Variants in STK32B observed in about 807,000 individuals in gnomAD.
STK32B encodes serine/threonine-protein kinase 32B.
STK32B carries 43 observed loss-of-function variants against 52.6 expected under a neutral mutation model. The observed-to-expected ratio is 0.82, with a 90% CI of 0.64 to 1.05. The LOEUF is 1.05. Among genes scored for constraint, STK32B ranks in the 50% least tolerant of loss-of-function variants. The probability of loss-of-function intolerance (pLI) is 0.00; values close to 1 mark genes in which losing one functional copy is unlikely to be tolerated. For synonymous variants in STK32B, 238 were observed against 204.3 expected, an observed-to-expected ratio of 1.17 and a Z score of -1.41; for missense variants, 621 against 534.6, an observed-to-expected ratio of 1.16 and a Z score of -1.59.
chr4:5,307,430 C>A (rs1009807097), intron 3 of STK32B, among the ~76,000 whole-genome samples: 1 of 151,990 alleles, frequency 6.6e-6, no homozygotes, highest in Non-Finnish European at 1.5e-5. Flanking sequence ...AGTTCTATTT[C>A]TGAGACTTTC....
At chr4:5,405,477 T>C (rs1205432576) in intron 5 of STK32B, among the ~76,000 whole-genome samples, 3 of 152,078 alleles carry the variant, frequency 2.0e-5, no homozygotes, top group Non-Finnish European at 4.4e-5. Flanking sequence ...AAGGTGATGG[T>C]GTTAGGAGGT....
At chr4:5,087,702 A>G (rs1712813105) in intron 1 of STK32B, among the ~76,000 whole-genome samples, 1 of 152,056 alleles carries the variant, frequency 6.6e-6, no homozygotes, top group Admixed American at 6.5e-5. Context: ...AGAGTAAATA[A>G]GGATATTATA....
At chr4:5,291,307 T>A (rs1728878807) in intron 3 of STK32B, among the ~76,000 whole-genome samples, 1 of 152,162 alleles carries the variant, frequency 6.6e-6, no homozygotes, top group Admixed American at 6.5e-5. Context: ...ATATTTTCAT[T>A]TATGTATATC....
chr4:5,132,260 G>T (rs1715825306), intron 1 of STK32B, among the ~76,000 whole-genome samples: 1 of 152,144 alleles, frequency 6.6e-6, no homozygotes, highest in African/African-American at 2.4e-5. Context: ...TTTATAGTAT[G>T]ATTTATATTT....
chr4:5,490,389 G>C (rs1380220190), intron 11 of STK32B, among the ~76,000 whole-genome samples: 2 of 152,040 alleles, frequency 1.3e-5, no homozygotes, highest in Non-Finnish European at 2.9e-5. Flanking sequence ...TTACAGGTTT[G>C]AGCCACCACG....
At chr4:5,412,071 T>C (rs566240855) in intron 5 of STK32B, among the ~76,000 whole-genome samples, 1 of 152,294 alleles carries the variant, frequency 6.6e-6, no homozygotes, top group African/African-American at 2.4e-5. Flanking sequence ...GGAAATGAGA[T>C]GAATTTCCAT....
At position 5,058,407 on chromosome 4, in the gene STK32B, C is replaced by G. The variant is rs765469052; in HGVS notation, c.52+6492C>G. On this transcript the variant is annotated intron_variant, in intron 1 of 11. Transcript: ENST00000282908. This position sits in a 1 kb window ranked among gnomAD's most constrained non-coding sequence, Gnocchi z 4.8. Reference sequence around the variant, plus strand: ...CTAGTGAGTGTCACTTTATATCACTCCATCTTGGAGCAACCACAGTGATCT... The same window carrying G: ...CTAGTGAGTGTCACTTTATATCACTGCATCTTGGAGCAACCACAGTGATCT... 6.6e-5 allele frequency among the ~76,000 whole-genome samples: 10 copies of G among 151,780 alleles called. No individual in the cohort carries two copies. The highest frequency in any genetic ancestry group is 1.0e-4 in the Non-Finnish European group (7 of 67,930).
intron 3 of STK32B, among the ~76,000 whole-genome samples, chr4:5,215,368 T>G (rs1222268706): frequency 6.6e-6 from 1 of 152,222 alleles, no homozygotes; most frequent in African/African-American, 2.4e-5. Context: ...TTTTTATCCC[T>G]AGTTTTACTG....
chr4:5,165,973 C>T (rs769499674), intron 2 of STK32B, among the ~76,000 whole-genome samples: 5 of 152,140 alleles, frequency 3.3e-5, no homozygotes, highest in South Asian at 4.1e-4. Context: ...CCAGTGGTGC[C>T]GGGTGGGTTT....
At chr4:5,435,425 T>C (rs976036823) in intron 6 of STK32B, among the ~76,000 whole-genome samples, 1 of 152,134 alleles carries the variant, frequency 6.6e-6, no homozygotes, top group African/African-American at 2.4e-5. Context: ...GTCCCAGCCT[T>C]TTCTGTGTCG....
At chr4:5,156,452 C>T (rs1298034983) in intron 2 of STK32B, among the ~76,000 whole-genome samples, 1 of 152,166 alleles carries the variant, frequency 6.6e-6, no homozygotes, top group Non-Finnish European at 1.5e-5. Flanking sequence ...CCTCTATTTC[C>T]ACTCACCCTC....
chr4:5,209,809 G>A (rs1331272093), intron 3 of STK32B, among the ~76,000 whole-genome samples: 1 of 152,078 alleles, frequency 6.6e-6, no homozygotes, highest in African/African-American at 2.4e-5. Flanking sequence ...GAGAAAGTAG[G>A]TTGGATACTT....
chr4:5,196,154 T>G (rs1384157325), intron 3 of STK32B, among the ~76,000 whole-genome samples: 3 of 151,356 alleles, frequency 2.0e-5, no homozygotes, highest in Non-Finnish European at 2.9e-5. Flanking sequence ...AGGGAGGGAG[T>G]GGTGTTCTTG....
chr4:5,245,905 C>T (rs538076779), intron 3 of STK32B, among the ~76,000 whole-genome samples: 6 of 152,332 alleles, frequency 3.9e-5, no homozygotes, highest in African/African-American at 1.4e-4. Flanking sequence ...TTGGCCCCCA[C>T]TCTCTTCTGG....
chr4:5,124,060 C>G (rs1577083830), intron 1 of STK32B, among the ~76,000 whole-genome samples: 3 of 152,158 alleles, frequency 2.0e-5, no homozygotes, highest in Non-Finnish European at 4.4e-5. Flanking sequence ...GGTAAATTCT[C>G]ATATCATCTA....
At chr4:5,247,814 T>C (rs551799166) in intron 3 of STK32B, among the ~76,000 whole-genome samples, 1 of 152,320 alleles carries the variant, frequency 6.6e-6, no homozygotes, top group South Asian at 2.1e-4. Context: ...TTTGCTTTTT[T>C]TGTTTCTTTT....
intron 4 of STK32B, among the ~76,000 whole-genome samples, chr4:5,335,109 G>T (rs1253707044): frequency 6.6e-6 from 1 of 152,100 alleles, no homozygotes; most frequent in Non-Finnish European, 1.5e-5. Context: ...TCTGGTCCTG[G>T]ACTCTTTTTT....
At chr4:5,201,673 A>G (rs12506438) in intron 3 of STK32B, among the ~76,000 whole-genome samples, 52,770 of 152,088 alleles carry the variant, frequency 0.35, 9,318 homozygotes, top group East Asian at 0.47. Flanking sequence ...GGGAGGCATC[A>G]GGAAACTTAC....
rs1347400167 is a variant in STK32B, at chr4:5,470,780, AAGTG to A, written c.1106+2713_1106+2716del. On this transcript the variant is annotated intron_variant, in intron 11 of 11. Transcript: ENST00000282908. The surrounding 1 kb of genome is among the most constrained non-coding windows in gnomAD (Gnocchi z 4.6). ...GCATTTTTACTTTAAACCAAGAAAAAAGTGAGACCTGTTTATCCTTCACTTCTGT... is the reference window on the plus strand; with the variant it reads ...GCATTTTTACTTTAAACCAAGAAAAAAGACCTGTTTATCCTTCACTTCTGT... Among the ~76,000 whole-genome samples, 1 of 152,196 alleles carries A rather than the reference AAGTG, an allele frequency of 6.6e-6. No homozygotes were observed. The highest frequency in any genetic ancestry group is 1.9e-4 in the East Asian group (1 of 5,188).
Sources: gnomAD v4.1 joint callset for allele counts (sites outside exome capture counted in the v4.1 genomes callset) on GRCh38, gnomAD v4.1.1 for gene constraint, Gnocchi (gnomAD v3.1) non-coding constraint, MANE v1.5 for transcripts, NCBI Gene and HGNC (gene_info 2026-07-23, HGNC 2026-07-21) for gene names.